The following TG variants were observed in gnomAD, a reference collection of about 807,000 sequenced individuals.
TG encodes the protein thyroglobulin.
TG carries 270 observed loss-of-function variants against 324.7 expected under a neutral mutation model. The ratio of observed to expected loss-of-function variants is 0.83; its 90% CI spans 0.75 to 0.92. The LOEUF (loss-of-function observed/expected upper bound fraction) is 0.92, where lower values mean the gene tolerates loss of function less well. Among genes scored for constraint, TG ranks in the 40% least tolerant of loss-of-function variants. The pLI, the probability that TG is intolerant of heterozygous loss-of-function variation, is 0.00. For missense variants in TG, 3,591 were observed against 3,456.4 expected, an observed-to-expected ratio of 1.04 and a Z score of -0.98; for synonymous variants, 1,401 against 1,327.0, an observed-to-expected ratio of 1.06 and a Z score of -1.21.
intron 11 of TG, 53 bp from the exon 12 acceptor site, chr8:132,897,596 A>G (rs1011404966): frequency 4.3e-6 from 7 of 1,612,580 alleles, no homozygotes; most frequent in Non-Finnish European, 5.9e-6. Context: ...TCAGCTACAG[A>G]GCCCACACAG....
intron 33 of TG, 69 bp downstream of exon 33, chr8:132,971,942 T>C (rs1829581357): frequency 9.0e-7 from 1 of 1,112,612 alleles, no homozygotes; most frequent in Non-Finnish European, 1.4e-6. Context: ...CATTCACATC[T>C]ATGCTTTTAC....
intron 22 of TG, among the ~76,000 whole-genome samples, chr8:132,925,087 A>G (rs1465486529): frequency 6.6e-6 from 1 of 152,180 alleles, no homozygotes; most frequent in Non-Finnish European, 1.5e-5. Context: ...GGCCTAACAT[A>G]CATGGGCTTA....
chr8:133,127,178 G>T (rs1564217799), intron 45 of TG, among the ~76,000 whole-genome samples: 1 of 152,262 alleles, frequency 6.6e-6, no homozygotes, highest in South Asian at 2.1e-4. Context: ...GGGAACCCAG[G>T]CTCAACCCAC....
intron 35 of TG, among the ~76,000 whole-genome samples, chr8:132,996,498 T>A (rs1314474830): frequency 2.0e-5 from 3 of 152,156 alleles, no homozygotes; most frequent in African/African-American, 7.2e-5. Flanking sequence ...AGTGAACACT[T>A]AGTAAATGCA....
At chr8:132,972,808 G>A in intron 34 of TG, 67 bp downstream of exon 34, 4 of 1,598,648 alleles carry the variant, frequency 2.5e-6, no homozygotes, top group Non-Finnish European at 3.4e-6. Context: ...CATGCATTAG[G>A]ACAATATTCT....
chr8:133,027,017 C>T (rs188939795), intron 40 of TG, among the ~76,000 whole-genome samples: 3 of 152,280 alleles, frequency 2.0e-5, no homozygotes, highest in African/African-American at 7.2e-5. Context: ...TCAAAGCACA[C>T]GAACATTAAC....
chr8:132,944,438 A>T (rs1010439829), intron 26 of TG, among the ~76,000 whole-genome samples: 1 of 152,068 alleles, frequency 6.6e-6, no homozygotes, highest in African/African-American at 2.4e-5. Flanking sequence ...TTTGTATCCA[A>T]GTCCACATAT....
intron 26 of TG, among the ~76,000 whole-genome samples, chr8:132,942,350 A>G (rs1029935949): frequency 6.6e-6 from 1 of 152,256 alleles, no homozygotes; most frequent in African/African-American, 2.4e-5. Flanking sequence ...ATTGACTAAG[A>G]GAGTCTTAAC....
chr8:132,984,469 T>C (rs775048996), intron 35 of TG, among the ~76,000 whole-genome samples: 1 of 152,302 alleles, frequency 6.6e-6, no homozygotes, highest in South Asian at 2.1e-4. Context: ...TACTGTAAGG[T>C]TGGCATCGTT....
intron 45 of TG, among the ~76,000 whole-genome samples, chr8:133,130,825 G>A (rs916363185): frequency 3.3e-5 from 5 of 152,144 alleles, no homozygotes; most frequent in Non-Finnish European, 5.9e-5. Context: ...TTTTCCAGAA[G>A]CGCCTCCCGA....
rs1824455552 is a variant in TG, at chr8:132,941,616, A to C, written c.5233+74A>C. The C allele has an allele frequency of 2.6e-6, 4 of 1,566,302 alleles. No individual in the cohort carries two copies. The South Asian group carries it at 4.5e-5, about 18-fold the overall frequency. On this transcript the variant is annotated intron_variant, in intron 26 of 47. Transcript: ENST00000220616. Reference sequence around the variant, plus strand: ...CAGGGATGCAGAAGCCAGGACACACAACATGGAGCTGCATGGGGAGTACAG... The same window carrying C: ...CAGGGATGCAGAAGCCAGGACACACCACATGGAGCTGCATGGGGAGTACAG...
chr8:132,978,172 C>T (rs1427702764), intron 34 of TG, among the ~76,000 whole-genome samples: 2 of 152,208 alleles, frequency 1.3e-5, no homozygotes, highest in East Asian at 1.9e-4. Flanking sequence ...GAAGCTTTTA[C>T]TCATGGCACA....
Position 133,096,199 on chromosome 8 carries a change from A to T in TG, c.7405-7A>T, listed in dbSNP as rs943720166. On this transcript the variant is annotated splice_polypyrimidine_tract_variant and splice_region_variant and intron_variant, in intron 42 of 47. Transcript: ENST00000220616. ...AGGACAACTGATTATTGTTGCATCC[A>T]ATGCAGCTCCTGGCCGTGAGTGGCC... 1 of 1,614,102 alleles carries T rather than the reference A, an allele frequency of 6.2e-7. No individual in the cohort carries two copies. The highest frequency in any genetic ancestry group is 1.3e-5 in the African/African-American group (1 of 74,944).
intron 27 of TG, among the ~76,000 whole-genome samples, chr8:132,950,628 T>C (rs145292601): frequency 1.3e-5 from 2 of 152,304 alleles, no homozygotes; most frequent in African/African-American, 4.8e-5. Flanking sequence ...CGTGCCGCAA[T>C]TGCGCATTTG....
rs1821388731 is a variant in TG at position 132,923,465 on chromosome 8, A to G, written c.4656A>G (p.Pro1552=). ...TGGACGGCGAGGGGCGGAGGCTGCC[A>G]TGGTGGGAAACAGAGGCCCCTCTTG... The part of the protein sequence containing the change: ...FCVDGEGRRL[P]WWETEAPLED... The change falls in exon 22 of 48, where the codon CCA becomes CCG. Residue 1552 remains proline, a synonymous_variant. Transcript: ENST00000220616. 6.2e-7 allele frequency: 1 copy of G among 1,613,916 alleles called. No homozygotes were observed. The highest frequency in any genetic ancestry group is 1.7e-5 in the Admixed American group (1 of 59,990).
intron 35 of TG, chr8:133,001,908 G>A: frequency 1.0e-6 from 1 of 985,456 alleles, no homozygotes; most frequent in Non-Finnish European, 1.2e-6. Context: ...ATATTCAGGA[G>A]CAATCACTTG....
At chr8:133,085,668 TCA>T (rs1588044736) in intron 41 of TG, among the ~76,000 whole-genome samples, 1 of 152,306 alleles carries the variant, frequency 6.6e-6, no homozygotes, top group East Asian at 1.9e-4. Flanking sequence ...AGATATTAAC[TCA>T]CACACACTAG....
chr8:132,981,242 T>G (rs1830808001), intron 34 of TG, among the ~76,000 whole-genome samples: 1 of 152,192 alleles, frequency 6.6e-6, no homozygotes, highest in Non-Finnish European at 1.5e-5. Context: ...ATCCCCCCAG[T>G]AGATGTGCTG....
chr8:132,929,625 T>C (rs1041699404), intron 23 of TG, among the ~76,000 whole-genome samples: 1 of 152,148 alleles, frequency 6.6e-6, no homozygotes, highest in African/African-American at 2.4e-5. Context: ...AAAAATAGTT[T>C]TAAGAGTGTA....
Sources: allele counts gnomAD v4.1 joint callset (sites outside exome capture counted in the v4.1 genomes callset), GRCh38; gene constraint gnomAD v4.1.1; transcripts MANE v1.5; gene names NCBI Gene and HGNC (gene_info 2026-07-23, HGNC 2026-07-21).